SLC14A2: variants seen among roughly 807,000 people sequenced by gnomAD.
The protein encoded by SLC14A2 is solute carrier family 14 member 2.
A neutral mutation model predicts 104.6 loss-of-function variants in SLC14A2; 91 were observed. That is an observed-to-expected ratio of 0.87 (90% confidence interval 0.73 to 1.04). The LOEUF (loss-of-function observed/expected upper bound fraction) is 1.04. SLC14A2 is among the 50% of genes least tolerant of loss of function. SLC14A2 has a pLI of 0.00. For missense variants in SLC14A2, 1,189 were observed against 1,156.0 expected, an observed-to-expected ratio of 1.03 and a Z score of -0.41; for synonymous variants, 476 against 466.4, an observed-to-expected ratio of 1.02 and a Z score of -0.27.
At chr18:45,385,437 G>C (rs2085885001) in intron 1 of SLC14A2, among the ~76,000 whole-genome samples, 1 of 152,170 alleles carries the variant, frequency 6.6e-6, no homozygotes, top group Admixed American at 6.5e-5. Context: ...ATTCAAATCA[G>C]CAGAAAGTAG....
chr18:45,429,280 GT>G (rs1050622396), intron 1 of SLC14A2, among the ~76,000 whole-genome samples: 1 of 152,194 alleles, frequency 6.6e-6, no homozygotes, highest in African/African-American at 2.4e-5. Context: ...ATACTGTTAT[GT>G]TTTTTAAGTC....
intron 1 of SLC14A2, among the ~76,000 whole-genome samples, chr18:45,417,902 A>G (rs985532310): frequency 2.0e-5 from 3 of 152,176 alleles, no homozygotes; most frequent in Non-Finnish European, 1.5e-5. Flanking sequence ...GAAGCCACCA[A>G]TATTGCCAAC....
At chr18:45,202,233 T>C in the SLC14A2 span, among the ~76,000 whole-genome samples, 3 of 152,094 alleles carry the variant, frequency 2.0e-5, no homozygotes, top group Non-Finnish European at 2.9e-5. Context: ...GCTATAGATA[T>C]AGCAAAAGCC....
intron 1 of SLC14A2, among the ~76,000 whole-genome samples, chr18:45,417,682 G>A (rs1463347635): frequency 3.9e-5 from 6 of 152,046 alleles, no homozygotes; most frequent in Admixed American, 3.9e-4. Context: ...AGCAGATTTG[G>A]GTGGGGACAC....
At chr18:45,337,285 A>C (rs1231443407) in intron 1 of SLC14A2, among the ~76,000 whole-genome samples, 2 of 152,204 alleles carry the variant, frequency 1.3e-5, no homozygotes, top group African/African-American at 2.4e-5. Flanking sequence ...CATGCCGATT[A>C]TTTAGTTATG....
chr18:45,354,424 A>C (rs1168636753), intron 1 of SLC14A2, among the ~76,000 whole-genome samples: 1 of 152,198 alleles, frequency 6.6e-6, no homozygotes, highest in Non-Finnish European at 1.5e-5. Context: ...TCCTCCGCTC[A>C]CTACTTCAAC....
chr18:45,605,715 C>T (rs904875315), intron 2 of SLC14A2, among the ~76,000 whole-genome samples: 5 of 152,084 alleles, frequency 3.3e-5, no homozygotes, highest in African/African-American at 1.2e-4. Context: ...ATTTAGATCC[C>T]AGGTCTCCTC....
At chr18:45,540,685 C>T (rs1335694346) in intron 2 of SLC14A2, among the ~76,000 whole-genome samples, 1 of 152,094 alleles carries the variant, frequency 6.6e-6, no homozygotes, top group Non-Finnish European at 1.5e-5. Flanking sequence ...GTGGAGTTTG[C>T]AGTGAGCTGA....
At chr18:45,499,901 C>T (rs2043164358) in intron 2 of SLC14A2, among the ~76,000 whole-genome samples, 1 of 152,168 alleles carries the variant, frequency 6.6e-6, no homozygotes, top group South Asian at 2.1e-4. Context: ...CATTTCTCAT[C>T]CTCTTCTTTG....
chr18:45,345,803 G>A (rs1036383041), intron 1 of SLC14A2, among the ~76,000 whole-genome samples: 1 of 152,158 alleles, frequency 6.6e-6, no homozygotes, highest in Non-Finnish European at 1.5e-5. Context: ...TGAACTCCCT[G>A]TGAGTTTTAA....
In SLC14A2 at chr18:45,679,025, G is replaced by A; in HGVS notation, c.2562+1G>A. 1 of 1,611,034 alleles carries A rather than the reference G, an allele frequency of 6.2e-7. No homozygotes were observed. The highest frequency in any genetic ancestry group is 1.1e-5 in the South Asian group (1 of 90,942). ...TGCCCTGGCTAACATGTTATCTGTG[G>A]TGAGTCAACACAGGCTCAGAACGTG... On this transcript the variant is annotated splice_donor_variant, in intron 19 of 19. Coordinates refer to ENST00000255226, the MANE Select transcript of SLC14A2 (RefSeq NM_007163.4). LOFTEE classifies it high-confidence loss of function.
intron 2 of SLC14A2, among the ~76,000 whole-genome samples, chr18:45,514,804 C>G (rs2043414291): frequency 6.6e-6 from 1 of 152,190 alleles, no homozygotes; most frequent in Non-Finnish European, 1.5e-5. Flanking sequence ...GTAACTACCA[C>G]AAACTCACTT....
At chr18:45,678,830 A>T in intron 18 of SLC14A2, 145 bp from the exon 19 acceptor site, 1 of 696,168 alleles carries the variant, frequency 1.4e-6, no homozygotes, top group South Asian at 2.2e-5. Flanking sequence ...GCTGCCAAGC[A>T]ATGGAAACAT....
chr18:45,335,567 A>T (rs1349343848), intron 1 of SLC14A2, among the ~76,000 whole-genome samples: 3 of 152,236 alleles, frequency 2.0e-5, no homozygotes, highest in Admixed American at 1.3e-4. Context: ...GTCAATAAAG[A>T]TGGCTCTCAG....
chr18:45,418,512 A>G (rs1028464629), intron 1 of SLC14A2, among the ~76,000 whole-genome samples: 6 of 152,210 alleles, frequency 3.9e-5, no homozygotes, highest in African/African-American at 1.2e-4. Flanking sequence ...GTAGAGTCTG[A>G]GAAAAGCCAG....
chr18:45,539,706 CTTTGGGATCT>C (rs931351572), intron 2 of SLC14A2, among the ~76,000 whole-genome samples: 2 of 152,096 alleles, frequency 1.3e-5, no homozygotes, highest in African/African-American at 4.8e-5. Context: ...ATTCCAATGG[CTTTGGGATCT>C]TTTAATTACA....
At chr18:45,521,798 T>C (rs2043520556) in intron 2 of SLC14A2, among the ~76,000 whole-genome samples, 1 of 152,052 alleles carries the variant, frequency 6.6e-6, no homozygotes, top group Non-Finnish European at 1.5e-5. Context: ...CCCTCATAAA[T>C]GCATTTGTTC....
intron 1 of SLC14A2, among the ~76,000 whole-genome samples, chr18:45,450,035 CT>C (rs758721344): frequency 4.6e-5 from 7 of 152,214 alleles, no homozygotes; most frequent in Non-Finnish European, 8.8e-5. Context: ...TATGGTCAGA[CT>C]GTCTGCTAAT....
At chr18:45,586,843 G>A (rs1356818364) in intron 2 of SLC14A2, among the ~76,000 whole-genome samples, 1 of 152,120 alleles carries the variant, frequency 6.6e-6, no homozygotes, top group East Asian at 1.9e-4. Context: ...ATCAGAGGGG[G>A]AGTCTTGGGG....
Sources: gnomAD v4.1 joint callset for allele counts (sites outside exome capture counted in the v4.1 genomes callset) on GRCh38, gnomAD v4.1.1 for gene constraint, MANE v1.5 for transcripts, NCBI Gene and HGNC (gene_info 2026-07-23, HGNC 2026-07-21) for gene names.